The following SMYD3 variants were observed in gnomAD, a reference collection of about 807,000 sequenced individuals.
The protein encoded by SMYD3 is SET and MYND domain containing 3.
Under a neutral mutation model 57.7 loss-of-function variants are expected in SMYD3, and 36 were observed. The ratio of observed to expected loss-of-function variants is 0.62; its 90% confidence interval spans 0.48 to 0.82. SMYD3 has a LOEUF of 0.82. Among genes scored for constraint, SMYD3 ranks in the 40% least tolerant of loss-of-function variants. SMYD3 has a pLI of 0.00. For missense variants in SMYD3, 515 were observed against 538.8 expected (o/e 0.96, Z 0.44); for synonymous variants, 211 against 195.0 (o/e 1.08, Z -0.68).
intron 11 of SMYD3, among the ~76,000 whole-genome samples, chr1:245,760,351 C>A (rs2045793353): frequency 6.6e-6 from 1 of 152,158 alleles, no homozygotes; most frequent in Non-Finnish European, 1.5e-5. Flanking sequence ...AAGAGTATAG[C>A]CTCCCTTTTC....
chr1:246,164,588 T>C (rs551387650), intron 5 of SMYD3, among the ~76,000 whole-genome samples: 1 of 152,250 alleles, frequency 6.6e-6, no homozygotes, highest in African/African-American at 2.4e-5. Context: ...GACGGGGGCA[T>C]GTGAGTAACC....
intron 1 of SMYD3, among the ~76,000 whole-genome samples, chr1:246,371,773 A>C (rs1455145643): frequency 6.6e-6 from 1 of 152,216 alleles, no homozygotes; most frequent in African/African-American, 2.4e-5. Context: ...TTAGAAAACA[A>C]CACATCAGCA....
chr1:246,071,769 T>C (rs567512330), intron 5 of SMYD3, among the ~76,000 whole-genome samples: 1 of 151,502 alleles, frequency 6.6e-6, no homozygotes, highest in East Asian at 2.0e-4. Flanking sequence ...CTGTGCTCAC[T>C]GTCGCTGCAT....
At position 246,053,554 on chromosome 1, in the gene SMYD3, G is replaced by A. The variant is rs10924466; in HGVS notation, c.532-123617C>T. Among the ~76,000 whole-genome samples, 629 of 152,234 alleles carry A rather than the reference G, an allele frequency of 4.1e-3. 2 individuals are homozygous for A. Among genetic ancestry groups the A allele is most frequent in the African/African-American group, 0.015 (603 of 41,540 alleles). On this transcript the variant is annotated intron_variant, in intron 5 of 11. Coordinates refer to ENST00000490107, the MANE Select transcript of SMYD3 (RefSeq NM_001167740.2). ...AACAAAGATGAAAAGGCAATTTAAT[G>A]GAGAAAGGAAAGTCTCTTCAAAAAA...
chr1:245,831,220 C>T (rs79131308), intron 10 of SMYD3, among the ~76,000 whole-genome samples: 5,342 of 152,230 alleles, frequency 0.035, 169 homozygotes, highest in Admixed American at 0.1. Context: ...CTGTCCTTCA[C>T]AACAGAGGTA....
intron 5 of SMYD3, among the ~76,000 whole-genome samples, chr1:246,027,449 G>T (rs1390513970): frequency 6.6e-6 from 1 of 152,160 alleles, no homozygotes; most frequent in African/African-American, 2.4e-5. Context: ...ATGCCAGCTG[G>T]TGACTTTAAG....
intron 5 of SMYD3, among the ~76,000 whole-genome samples, chr1:246,186,540 G>C (rs1445397970): frequency 8.6e-5 from 13 of 152,004 alleles, no homozygotes; most frequent in Admixed American, 7.9e-4. Context: ...TCTGAAACCA[G>C]AGAACAGCAC....
At chr1:246,141,746 A>G (rs1013156379) in intron 5 of SMYD3, among the ~76,000 whole-genome samples, 7 of 152,232 alleles carry the variant, frequency 4.6e-5, no homozygotes, top group Non-Finnish European at 1.0e-4. Flanking sequence ...CAATGTAAAA[A>G]CATTCAAGAT....
At chr1:246,410,353 C>T (rs1343675343) in intron 1 of SMYD3, among the ~76,000 whole-genome samples, 1 of 152,138 alleles carries the variant, frequency 6.6e-6, no homozygotes, top group Non-Finnish European at 1.5e-5. Context: ...CCATCAATAC[C>T]TAATTTATTG....
At chr1:246,386,682 AG>A in intron 1 of SMYD3, among the ~76,000 whole-genome samples, 1 of 152,042 alleles carries the variant, frequency 6.6e-6, no homozygotes, top group Non-Finnish European at 1.5e-5. Context: ...GTTACTGAGG[AG>A]ACCATATAAG....
intron 1 of SMYD3, among the ~76,000 whole-genome samples, chr1:246,476,021 C>T (rs1039926686): frequency 6.6e-6 from 1 of 152,170 alleles, no homozygotes; most frequent in Non-Finnish European, 1.5e-5. Flanking sequence ...TATAGAAATA[C>T]AGTTCAGAAA....
intron 1 of SMYD3, among the ~76,000 whole-genome samples, chr1:246,487,638 A>C (rs1451076951): frequency 6.6e-6 from 1 of 152,086 alleles, no homozygotes; most frequent in Non-Finnish European, 1.5e-5. Flanking sequence ...AGTTACAAGC[A>C]ATTTCACCCT....
intron 5 of SMYD3, among the ~76,000 whole-genome samples, chr1:246,221,057 C>A (rs905353752): frequency 6.6e-6 from 1 of 151,980 alleles, no homozygotes; most frequent in Non-Finnish European, 1.5e-5. Flanking sequence ...GATGATGGGA[C>A]GACCTGCCTG....
chr1:245,794,236 GTTTAC>G (rs549053914), intron 10 of SMYD3, among the ~76,000 whole-genome samples: 2 of 152,070 alleles, frequency 1.3e-5, no homozygotes, highest in Non-Finnish European at 2.9e-5. Context: ...TTCTCTCTGG[GTTTAC>G]TTTTCTTGTA....
At chr1:246,176,282 T>C (rs1248100361) in intron 5 of SMYD3, among the ~76,000 whole-genome samples, 3 of 152,190 alleles carry the variant, frequency 2.0e-5, no homozygotes. Flanking sequence ...TAAGTACCAG[T>C]GGATCCAGGC....
At chr1:245,872,334 A>G (rs2052243557) in intron 8 of SMYD3, among the ~76,000 whole-genome samples, 1 of 149,436 alleles carries the variant, frequency 6.7e-6, no homozygotes, top group South Asian at 2.2e-4. Context: ...TCCTCGCAAG[A>G]GCCCAAAGTT....
intron 5 of SMYD3, among the ~76,000 whole-genome samples, chr1:245,938,551 T>C (rs1360156880): frequency 1.3e-5 from 2 of 152,340 alleles, no homozygotes; most frequent in Admixed American, 6.5e-5. Flanking sequence ...TTTGGAAATA[T>C]AGAAAGAAAT....
chr1:246,058,914 G>A (rs1192750483), intron 5 of SMYD3, among the ~76,000 whole-genome samples: 2 of 146,156 alleles, frequency 1.4e-5, no homozygotes, highest in Admixed American at 7.0e-5. Flanking sequence ...AGTCTCTGTC[G>A]CCCAGGCTGG....
intron 9 of SMYD3, among the ~76,000 whole-genome samples, chr1:245,860,231 G>A (rs1021238739): frequency 6.6e-6 from 1 of 151,654 alleles, no homozygotes; most frequent in African/African-American, 2.4e-5. Context: ...GCCATCCCCT[G>A]CCCCCAATTC....
Sources: gnomAD v4.1 joint callset for allele counts (sites outside exome capture counted in the v4.1 genomes callset) on GRCh38, gnomAD v4.1.1 for gene constraint, MANE v1.5 for transcripts, NCBI Gene and HGNC (gene_info 2026-07-23, HGNC 2026-07-21) for gene names.